Variants in KANSL1 observed in about 807,000 individuals in gnomAD.
The protein encoded by KANSL1 is KAT8 regulatory NSL complex subunit 1, also known as MLL1/MLL complex subunit KANSL1.
Under a neutral mutation model 103.6 loss-of-function variants are expected in KANSL1, and 22 were observed. That is an observed-to-expected ratio of 0.21 (90% CI 0.15 to 0.30). The LOEUF is 0.30. Ranked by LOEUF, KANSL1 falls within the 10% of genes least tolerant of loss-of-function variation. KANSL1 has a pLI of 1.00. For synonymous variants in KANSL1, 600 were observed against 527.6 expected (o/e 1.14, Z -1.88); for missense variants, 1,337 against 1,399.8 (o/e 0.96, Z 0.72).
chr17:46,164,155 CTTA>C (rs1241132226), intron 2 of KANSL1, among the ~76,000 whole-genome samples: 7 of 152,252 alleles, frequency 4.6e-5, no homozygotes, highest in Admixed American at 6.5e-5. Context: ...TCCATAAGTA[CTTA>C]TTATATGACT....
chr17:46,059,970 C>A (rs1555742727), intron 6 of KANSL1, among the ~76,000 whole-genome samples: 5 of 152,050 alleles, frequency 3.3e-5, no homozygotes, highest in African/African-American at 4.8e-5. Context: ...ACAACAACAA[C>A]AAAAAATCAG....
intron 2 of KANSL1, among the ~76,000 whole-genome samples, chr17:46,168,458 C>A (rs1266586165): frequency 6.6e-6 from 1 of 152,196 alleles, no homozygotes; most frequent in African/African-American, 2.4e-5. Flanking sequence ...AGCGATTCTC[C>A]TGCCTCAGCC....
intron 1 of KANSL1, among the ~76,000 whole-genome samples, chr17:46,183,275 CTAAT>C (rs2046871178): frequency 6.8e-6 from 1 of 147,318 alleles, no homozygotes; most frequent in Non-Finnish European, 1.5e-5. Flanking sequence ...AACAAAAACA[CTAAT>C]TTTTTTTTTT....
intron 1 of KANSL1, among the ~76,000 whole-genome samples, chr17:46,182,133 G>A (rs1320026973): frequency 6.6e-6 from 1 of 152,218 alleles, no homozygotes; most frequent in Non-Finnish European, 1.5e-5. Context: ...TTGGTACATA[G>A]TAAGTGCTGT....
At chr17:46,196,510 C>G, upstream of KANSL1, 1 of 446,716 alleles carries the variant, frequency 2.2e-6, no homozygotes. Flanking sequence ...GCTACAGTCA[C>G]CTTTGCAGCA....
chr17:46,101,285 G>A (rs1216420810), intron 2 of KANSL1, among the ~76,000 whole-genome samples: 1 of 152,208 alleles, frequency 6.6e-6, no homozygotes, highest in African/African-American at 2.4e-5. Flanking sequence ...CAAAAGCAGT[G>A]TGAAACAGAG....
intron 2 of KANSL1, among the ~76,000 whole-genome samples, chr17:46,148,973 T>C (rs1173732585): frequency 5.9e-5 from 9 of 151,262 alleles, no homozygotes; most frequent in Admixed American, 5.9e-4. Flanking sequence ...CAAAAAATTA[T>C]TTTATCTCAC....
intron 2 of KANSL1, among the ~76,000 whole-genome samples, chr17:46,131,718 T>C (rs952054858): frequency 6.6e-6 from 1 of 152,150 alleles, no homozygotes; most frequent in African/African-American, 2.4e-5. Context: ...AAACACATAA[T>C]AAGGGCCTAA....
Position 46,219,672 on chromosome 17 carries a change from A to C in KANSL1, c.-90+3999T>G, listed in dbSNP as rs542795701. 1.5e-3 allele frequency among the ~76,000 whole-genome samples: 225 copies of C among 152,354 alleles called. 2 individuals are homozygous for C. Among genetic ancestry groups the C allele is most frequent in the South Asian group, 5.8e-3 (28 of 4,830 alleles). ...TGAGCCATCGCGTCTGGCCAAGTTA[A>C]ATTTTTTAATGCCTGACTTTGCAGT... On this transcript the variant is annotated intron_variant, in intron 1 of 14. Transcript: ENST00000572904.
intron 6 of KANSL1, 71 bp downstream of exon 6, chr17:46,066,466 T>G (rs950700685): frequency 2.6e-5 from 36 of 1,369,952 alleles, no homozygotes; most frequent in Non-Finnish European, 3.2e-5. Flanking sequence ...ACACCAAAGT[T>G]GGCAAGAGAC....
At chr17:46,085,447 A>G (rs1363787912) in intron 3 of KANSL1, among the ~76,000 whole-genome samples, 1 of 152,174 alleles carries the variant, frequency 6.6e-6, no homozygotes, top group Non-Finnish European at 1.5e-5. Flanking sequence ...TTTCCAGAGC[A>G]TTCATAATCT....
At chr17:46,202,489 C>T (rs1468624592) in intron 1 of KANSL1, among the ~76,000 whole-genome samples, 1 of 152,136 alleles carries the variant, frequency 6.6e-6, no homozygotes, top group African/African-American at 2.4e-5. Context: ...CTGAAAAGTA[C>T]TTTAAGGAAA....
intron 2 of KANSL1, among the ~76,000 whole-genome samples, chr17:46,095,900 G>A (rs948722021): frequency 6.6e-6 from 1 of 152,072 alleles, no homozygotes; most frequent in African/African-American, 2.4e-5. Flanking sequence ...ATATAAAAAT[G>A]TGTCATCTCG....
At chr17:46,132,561 A>C (rs1282331308) in intron 2 of KANSL1, among the ~76,000 whole-genome samples, 1 of 152,216 alleles carries the variant, frequency 6.6e-6, no homozygotes, top group Non-Finnish European at 1.5e-5. Flanking sequence ...ATCTGCGCCC[A>C]GTAATCTGTG....
At chr17:46,191,175 A>C (rs2047301244) in intron 1 of KANSL1, among the ~76,000 whole-genome samples, 1 of 152,262 alleles carries the variant, frequency 6.6e-6, no homozygotes, top group South Asian at 2.1e-4. Flanking sequence ...GATATAAAGA[A>C]ACAGATAAAG....
At chr17:46,178,099 A>C (rs2046615272) in intron 1 of KANSL1, among the ~76,000 whole-genome samples, 1 of 152,190 alleles carries the variant, frequency 6.6e-6, no homozygotes, top group South Asian at 2.1e-4. Flanking sequence ...CTTAAATTTA[A>C]TATACAGAGC....
At chr17:46,139,647 T>G (rs952584397) in intron 2 of KANSL1, among the ~76,000 whole-genome samples, 1 of 152,234 alleles carries the variant, frequency 6.6e-6, no homozygotes, top group African/African-American at 2.4e-5. Context: ...TCAATCATTA[T>G]GTCTAGTACT....
intron 2 of KANSL1, among the ~76,000 whole-genome samples, chr17:46,096,302 C>CTTTTTTTTCTTTTTTTTT (rs1568443287): frequency 7.3e-5 from 6 of 82,596 alleles, no homozygotes; most frequent in East Asian, 1.2e-3. Context: ...ACATACCTGG[C>CTTTTTTTTCTTTTTTTTT]TTTTTTTTCT....
At chr17:46,185,704 C>T (rs796324609) in intron 1 of KANSL1, among the ~76,000 whole-genome samples, 8,346 of 110,844 alleles carry the variant, frequency 0.075, 832 homozygotes, top group East Asian at 0.4. Context: ...CACACACACA[C>T]ACACACACAC....
Sources: allele counts gnomAD v4.1 joint callset (sites outside exome capture counted in the v4.1 genomes callset), GRCh38; gene constraint gnomAD v4.1.1; transcripts MANE v1.5; gene names NCBI Gene and HGNC (gene_info 2026-07-23, HGNC 2026-07-21).